Variants in CSMD1 observed in about 807,000 individuals in gnomAD.
The protein encoded by CSMD1 is CUB and Sushi multiple domains 1.
A neutral mutation model predicts 417.5 loss-of-function variants in CSMD1; 213 were observed. The observed-to-expected ratio is 0.51, with a 90% confidence interval of 0.46 to 0.57. CSMD1 has a LOEUF of 0.57. Ranked by LOEUF, CSMD1 falls within the 20% of genes least tolerant of loss-of-function variation. CSMD1 has a pLI of 0.00. For synonymous variants in CSMD1, 2,862 were observed against 1,736.8 expected (o/e 1.65, Z -16.11); for missense variants, 6,923 against 4,529.7 (o/e 1.53, Z -15.17).
intron 25 of CSMD1, among the ~76,000 whole-genome samples, chr8:3,302,504 A>G (rs1804497253): frequency 6.6e-6 from 1 of 151,896 alleles, no homozygotes; most frequent in Admixed American, 6.6e-5. Context: ...ATCACTTCTC[A>G]TTTCTTCCCT....
At chr8:3,129,904 C>A (rs1817703063) in intron 41 of CSMD1, among the ~76,000 whole-genome samples, 1 of 151,976 alleles carries the variant, frequency 6.6e-6, no homozygotes, top group African/African-American at 2.4e-5. Context: ...TCACCTGAGC[C>A]CGGGGGGCGG....
intron 41 of CSMD1, among the ~76,000 whole-genome samples, chr8:3,141,166 T>C (rs1246732580): frequency 6.6e-6 from 1 of 152,164 alleles, no homozygotes; most frequent in Non-Finnish European, 1.5e-5. Flanking sequence ...ACTACGGCCA[T>C]GGGAGAGAGT....
intron 10 of CSMD1, among the ~76,000 whole-genome samples, chr8:3,563,001 T>G (rs1403051795): frequency 6.6e-6 from 1 of 152,054 alleles, no homozygotes; most frequent in Non-Finnish European, 1.5e-5. Flanking sequence ...CAAGATAATA[T>G]GAAGTCAAAG....
At chr8:3,084,930 A>G (rs555974771) in intron 49 of CSMD1, among the ~76,000 whole-genome samples, 2 of 151,788 alleles carry the variant, frequency 1.3e-5, no homozygotes, top group African/African-American at 4.8e-5. Context: ...ATCTATATAT[A>G]TAATGAAAAT....
At position 4,879,009 on chromosome 8, in the gene CSMD1, G is replaced by A. The variant is rs116281404; in HGVS notation, c.85+115323C>T. On this transcript the variant is annotated intron_variant, in intron 1 of 69. Coordinates refer to ENST00000635120, the MANE Select transcript of CSMD1 (RefSeq NM_033225.6). ...GGGAGAACAGGATGGGTGAGGGCAAGGGACAGGATATTTGGGGTTTGAGAA... is the reference window on the plus strand; with the variant it reads ...GGGAGAACAGGATGGGTGAGGGCAAAGGACAGGATATTTGGGGTTTGAGAA... 1.2e-3 allele frequency among the ~76,000 whole-genome samples: 175 copies of A among 152,064 alleles called. 3 individuals are homozygous for A. Among genetic ancestry groups the A allele is most frequent in the African/African-American group, 3.9e-3 (160 of 41,402 alleles).
chr8:3,853,821 T>C (rs1304957160), intron 5 of CSMD1, among the ~76,000 whole-genome samples: 5 of 150,710 alleles, frequency 3.3e-5, no homozygotes, highest in African/African-American at 4.9e-5. Flanking sequence ...TATACATATG[T>C]AACAAACCTG....
intron 20 of CSMD1, among the ~76,000 whole-genome samples, chr8:3,365,262 C>A (rs1215198287): frequency 2.6e-5 from 4 of 152,182 alleles, no homozygotes; most frequent in Non-Finnish European, 5.9e-5. Context: ...GTCTTGAAAG[C>A]TTCACTTGAG....
chr8:3,266,371 T>A lies in CSMD1; in HGVS notation c.4153+17773A>T, dbSNP rs552967552. On this transcript the variant is annotated intron_variant, in intron 26 of 69. Transcript: ENST00000635120. ...CTGTAATCCCAGCACTGTGGGAGGC[T>A]GAGGCGGGTGGATCACCTGAGACTA... is the stretch of plus-strand genomic sequence containing the variant. Among the ~76,000 whole-genome samples the A allele has an allele frequency of 6.0e-4, 91 of 151,794 alleles. 2 individuals are homozygous for A. The South Asian group carries it at 0.014, about 24-fold the overall frequency.
chr8:3,293,965 C>G (rs913723844), intron 25 of CSMD1, among the ~76,000 whole-genome samples: 1 of 151,966 alleles, frequency 6.6e-6, no homozygotes, highest in Non-Finnish European at 1.5e-5. Context: ...TTTTATCTAC[C>G]TTTGGTCTTT....
chr8:4,290,368 G>T (rs571941271), intron 3 of CSMD1, among the ~76,000 whole-genome samples: 1 of 152,298 alleles, frequency 6.6e-6, no homozygotes, highest in African/African-American at 2.4e-5. Context: ...AATGGAGGGA[G>T]AGAAGCCCAA....
At chr8:4,822,471 G>C (rs1161614609) in intron 1 of CSMD1, among the ~76,000 whole-genome samples, 1 of 151,980 alleles carries the variant, frequency 6.6e-6, no homozygotes, top group Non-Finnish European at 1.5e-5. Flanking sequence ...CAGTTTACGT[G>C]GATTGTAACC....
chr8:4,646,642 AG>A (rs1488734398), intron 1 of CSMD1, among the ~76,000 whole-genome samples: 1 of 152,192 alleles, frequency 6.6e-6, no homozygotes, highest in Non-Finnish European at 1.5e-5. Context: ...CAATGAAGAA[AG>A]ATTTCTGCGT....
chr8:4,056,078 C>CT (rs58415435), intron 3 of CSMD1, among the ~76,000 whole-genome samples: 10,058 of 97,694 alleles, frequency 0.1, 990 homozygotes, highest in Middle Eastern at 0.17. Context: ...TGGTGGCTTC[C>CT]TTTTTTTTTT....
At chr8:4,851,104 C>T (rs1360049063) in intron 1 of CSMD1, among the ~76,000 whole-genome samples, 1 of 123,748 alleles carries the variant, frequency 8.1e-6, no homozygotes, top group African/African-American at 2.9e-5. Flanking sequence ...CCCCCCTCCC[C>T]ACACCCCACA....
intron 10 of CSMD1, among the ~76,000 whole-genome samples, chr8:3,526,720 G>A (rs1023645990): frequency 5.3e-5 from 8 of 152,178 alleles, no homozygotes; most frequent in African/African-American, 9.7e-5. Flanking sequence ...CTTCCTAGCT[G>A]TATCCCCTTC....
At chr8:3,978,429 C>G (rs1185033372) in intron 5 of CSMD1, among the ~76,000 whole-genome samples, 1 of 152,062 alleles carries the variant, frequency 6.6e-6, no homozygotes, top group Non-Finnish European at 1.5e-5. Flanking sequence ...TCTATTCATA[C>G]TCTTGGAACC....
intron 26 of CSMD1, among the ~76,000 whole-genome samples, chr8:3,256,054 GAGGTGGC>G (rs1369085316): frequency 6.6e-6 from 1 of 152,148 alleles, no homozygotes; most frequent in Non-Finnish European, 1.5e-5. Context: ...TGAGCCGGGT[GAGGTGGC>G]TCACACCTGT....
Position 3,927,924 on chromosome 8 carries a change from CTTTGTTTTG to C in CSMD1, c.818+69970_818+69978del, listed in dbSNP as rs943853986. Among the ~76,000 whole-genome samples, 13 of 152,056 alleles carry C rather than the reference CTTTGTTTTG, an allele frequency of 8.5e-5. No individual in the cohort carries two copies. The South Asian group carries it at 2.7e-3, about 32-fold the overall frequency. ...CTAAAAAATCATTTTACATCAAATT[CTTTGTTTTG>C]TTAGATTATCTGTTAATTTCTTAAG... On this transcript the variant is annotated intron_variant, in intron 5 of 69. Coordinates refer to ENST00000635120, the MANE Select transcript of CSMD1 (RefSeq NM_033225.6).
At chr8:4,722,618 TAAG>T (rs1809131719) in intron 1 of CSMD1, among the ~76,000 whole-genome samples, 1 of 152,078 alleles carries the variant, frequency 6.6e-6, no homozygotes, top group Non-Finnish European at 1.5e-5. Context: ...ACAGGGTGCA[TAAG>T]TCCACAGGCA....
Sources: gnomAD v4.1 joint callset for allele counts (sites outside exome capture counted in the v4.1 genomes callset) on GRCh38, gnomAD v4.1.1 for gene constraint, MANE v1.5 for transcripts, NCBI Gene and HGNC (gene_info 2026-07-23, HGNC 2026-07-21) for gene names.